CARMIL1: variants seen among roughly 807,000 people sequenced by gnomAD.
CARMIL1 encodes capping protein regulator and myosin 1 linker 1.
A neutral mutation model predicts 177.1 loss-of-function variants in CARMIL1; 90 were observed. That is an observed-to-expected ratio of 0.51 (90% CI 0.43 to 0.61). CARMIL1 has a LOEUF of 0.61. Ranked by LOEUF, CARMIL1 falls within the 20% of genes least tolerant of loss-of-function variation. CARMIL1 has a pLI of 0.00. For missense variants in CARMIL1, 1,380 were observed against 1,667.0 expected, an observed-to-expected ratio of 0.83 and a Z score of 3.00; for synonymous variants, 577 against 606.2, an observed-to-expected ratio of 0.95 and a Z score of 0.71.
intron 31 of CARMIL1, among the ~76,000 whole-genome samples, chr6:25,582,285 C>T (rs1221673195): frequency 6.6e-6 from 1 of 152,132 alleles, no homozygotes; most frequent in Non-Finnish European, 1.5e-5. Context: ...GGAGATTTCC[C>T]GTTGATCTCT....
chr6:25,414,266 A>T (rs1795179486), intron 2 of CARMIL1, among the ~76,000 whole-genome samples: 2 of 152,180 alleles, frequency 1.3e-5, no homozygotes, highest in African/African-American at 4.8e-5. Context: ...AGTCTTTCTG[A>T]TTCCAAAATT....
chr6:25,304,801 A>G (rs76525246), intron 2 of CARMIL1, among the ~76,000 whole-genome samples: 3,602 of 152,358 alleles, frequency 0.024, 60 homozygotes, highest in Non-Finnish European at 0.038. Flanking sequence ...TGTATTAGCT[A>G]GAGCTTATTG....
At chr6:25,380,582 T>TA (rs889198916) in intron 2 of CARMIL1, among the ~76,000 whole-genome samples, 7 of 152,032 alleles carry the variant, frequency 4.6e-5, no homozygotes, top group African/African-American at 1.4e-4. Flanking sequence ...TACAAAAAAC[T>TA]AAAAAAAACT....
intron 15 of CARMIL1, among the ~76,000 whole-genome samples, chr6:25,494,519 G>A (rs1398916283): frequency 1.3e-5 from 2 of 152,128 alleles, no homozygotes; most frequent in Non-Finnish European, 2.9e-5. Flanking sequence ...GTATTCAGAG[G>A]TTATAGCCAT....
chr6:25,376,015 T>C (rs1367677768), intron 2 of CARMIL1, among the ~76,000 whole-genome samples: 1 of 152,228 alleles, frequency 6.6e-6, no homozygotes, highest in African/African-American at 2.4e-5. Flanking sequence ...TTTGGATCCA[T>C]TGCAGAAGAG....
At chr6:25,471,317 CTAAT>C in intron 10 of CARMIL1, 60 bp downstream of exon 10, 1 of 1,156,844 alleles carries the variant, frequency 8.6e-7, no homozygotes, top group South Asian at 1.5e-5. Flanking sequence ...ATTTGCTCTT[CTAAT>C]TAATTCATAG....
chr6:25,553,478 A>G (rs1047086772), intron 27 of CARMIL1, among the ~76,000 whole-genome samples: 81 of 152,228 alleles, frequency 5.3e-4, no homozygotes, highest in African/African-American at 1.9e-3. Context: ...ACCTCTCTTC[A>G]TAAAAGATAG....
intron 2 of CARMIL1, among the ~76,000 whole-genome samples, chr6:25,407,979 G>A (rs558604901): frequency 2.4e-4 from 37 of 152,264 alleles, no homozygotes; most frequent in Admixed American, 1.1e-3. Context: ...TTCCTGTCAC[G>A]CCAGCCTCTC....
At position 25,506,468 on chromosome 6, in the gene CARMIL1, C is replaced by G. The variant is rs767476747; in HGVS notation, c.1396-3188C>G. Among the ~76,000 whole-genome samples, 219 of 152,152 alleles carry G rather than the reference C, an allele frequency of 1.4e-3. 5 individuals carry two copies. The highest frequency in any genetic ancestry group is 2.4e-4 in the Non-Finnish European group (16 of 68,018). On this transcript the variant is annotated intron_variant, in intron 17 of 36. Transcript: ENST00000329474. ...GGCTGAGGCAGGAGAATCGCTTGAA[C>G]CTGGGAGGTAGGGGTTGCAGTGAGT...
At chr6:25,439,290 G>A (rs554077137) in intron 5 of CARMIL1, among the ~76,000 whole-genome samples, 5 of 152,334 alleles carry the variant, frequency 3.3e-5, no homozygotes, top group African/African-American at 7.2e-5. Flanking sequence ...GCTCCACTAG[G>A]TGAGGCTATC....
chr6:25,378,614 T>TC, intron 2 of CARMIL1, among the ~76,000 whole-genome samples: 1 of 152,194 alleles, frequency 6.6e-6, no homozygotes, highest in Non-Finnish European at 1.5e-5. Flanking sequence ...TCTCATATAC[T>TC]CCCCACGGCT....
At chr6:25,403,756 A>T (rs1794094545) in intron 2 of CARMIL1, among the ~76,000 whole-genome samples, 1 of 151,640 alleles carries the variant, frequency 6.6e-6, no homozygotes, top group Admixed American at 6.6e-5. Context: ...CACCTAACCC[A>T]CCACTCCTCT....
In CARMIL1 at chr6:25,332,878, T is replaced by A. The variant is rs538418255; in HGVS notation, c.138+47969T>A. On this transcript the variant is annotated intron_variant, in intron 2 of 36. Coordinates refer to ENST00000329474, the MANE Select transcript of CARMIL1 (RefSeq NM_017640.6). ...CTTCAGCCACAAAAGACCTGATACT[T>A]CCGTGCCTGCTGGCCTTTGTGCTAT... Among the ~76,000 whole-genome samples the A allele has an allele frequency of 3.3e-5, 5 of 152,198 alleles. No homozygotes were observed. The East Asian group carries it at 7.7e-4, about 24-fold the overall frequency.
chr6:25,504,170 T>C (rs1264045364), intron 17 of CARMIL1, among the ~76,000 whole-genome samples: 1 of 152,204 alleles, frequency 6.6e-6, no homozygotes, highest in Non-Finnish European at 1.5e-5. Context: ...TGATTGATTT[T>C]AAAATCACAT....
chr6:25,565,329 T>G (rs1052247759), intron 29 of CARMIL1, among the ~76,000 whole-genome samples: 1 of 152,198 alleles, frequency 6.6e-6, no homozygotes, highest in Non-Finnish European at 1.5e-5. Flanking sequence ...GAAACAGTGG[T>G]GACTTCTGTT....
intron 2 of CARMIL1, among the ~76,000 whole-genome samples, chr6:25,406,062 T>A (rs1486342568): frequency 6.6e-6 from 1 of 152,212 alleles, no homozygotes. Flanking sequence ...ATAGGACAGA[T>A]GTGGTCCCTG....
In CARMIL1 at chr6:25,383,726, A is replaced by G. The variant is rs1228912425; in HGVS notation, c.139-36388A>G. On this transcript the variant is annotated intron_variant, in intron 2 of 36. Transcript: ENST00000329474. ...TTTAAAACAAAATTATGGCTTGTAT[A>G]TTTTTAAAACTTTGTATTATGCAAA... 1.1e-4 allele frequency: 17 copies of G among 152,306 alleles called. No individual in the cohort carries two copies. In the East Asian group the frequency reaches 3.1e-3, roughly 28 times the overall value. The allele number at this position is 152,306 out of a possible 1,614,324, so 9.4% of individuals were successfully genotyped here.
At chr6:25,407,333 G>A (rs1409105684) in intron 2 of CARMIL1, among the ~76,000 whole-genome samples, 2 of 152,064 alleles carry the variant, frequency 1.3e-5, no homozygotes, top group East Asian at 1.9e-4. Flanking sequence ...GGAAGAGAAA[G>A]GATATTTAGT....
At chr6:25,354,329 AATTTTTTTTTTTT>A (rs1788373774) in intron 2 of CARMIL1, among the ~76,000 whole-genome samples, 2 of 120,364 alleles carry the variant, frequency 1.7e-5, no homozygotes, top group South Asian at 2.7e-4. Context: ...TGACTAATTA[AATTTTTTTTTTTT>A]TTTTTTTTTT....
Sources: allele counts gnomAD v4.1 joint callset (sites outside exome capture counted in the v4.1 genomes callset), GRCh38; gene constraint gnomAD v4.1.1; transcripts MANE v1.5; gene names NCBI Gene and HGNC (gene_info 2026-07-23, HGNC 2026-07-21).